Variants in ARMC3 observed in about 807,000 individuals in gnomAD.
The protein encoded by ARMC3 is armadillo repeat-containing protein 3.
ARMC3 carries 74 observed loss-of-function variants against 90.3 expected under a neutral mutation model. That is an observed-to-expected ratio of 0.82 (90% confidence interval 0.68 to 0.99). The LOEUF (loss-of-function observed/expected upper bound fraction) is 0.99, where lower values mean the gene tolerates loss of function less well. ARMC3 is among the 50% of genes least tolerant of loss of function. ARMC3 has a pLI of 0.00. For synonymous variants in ARMC3, 334 were observed against 361.8 expected, an observed-to-expected ratio of 0.92 and a Z score of 0.87; for missense variants, 958 against 1,042.8, an observed-to-expected ratio of 0.92 and a Z score of 1.12.
At chr10:22,992,429 G>A (rs981579012) in intron 10 of ARMC3, among the ~76,000 whole-genome samples, 10 of 151,880 alleles carry the variant, frequency 6.6e-5, no homozygotes, top group Non-Finnish European at 1.3e-4. Flanking sequence ...TTTTGCGGGG[G>A]GCATTTTTCT....
chr10:22,981,591 G>A lies in ARMC3; in HGVS notation c.1070-4G>A. The stretch of plus-strand genomic sequence containing the variant: ...GTCACATTTTTACCTTTCTCTTTCT[G>A]TAGGGATTCCACAGTTAATTCAGTT... On this transcript the variant is annotated splice_region_variant and splice_polypyrimidine_tract_variant and intron_variant, in intron 9 of 18. Coordinates refer to ENST00000298032, the MANE Select transcript of ARMC3 (RefSeq NM_173081.5). 1.2e-6 allele frequency: 2 copies of A among 1,614,014 alleles called. No individual in the cohort carries two copies. The highest frequency in any genetic ancestry group is 1.7e-6 in the Non-Finnish European group (2 of 1,179,936).
At chr10:22,997,683 C>A (rs1244571149) in intron 10 of ARMC3, among the ~76,000 whole-genome samples, 1 of 152,132 alleles carries the variant, frequency 6.6e-6, no homozygotes, top group Non-Finnish European at 1.5e-5. Context: ...TCACTCATTC[C>A]TACTATTTAA....
intron 16 of ARMC3, among the ~76,000 whole-genome samples, chr10:23,016,908 G>A (rs917192501): frequency 7.9e-5 from 12 of 152,298 alleles, no homozygotes; most frequent in Admixed American, 5.9e-4. Flanking sequence ...CAGTGACGAA[G>A]TATTGGACTG....
chr10:23,033,128 A>G, intron 18 of ARMC3, 105 bp downstream of exon 18: 1 of 1,101,074 alleles, frequency 9.1e-7, no homozygotes, highest in Non-Finnish European at 1.3e-6. Flanking sequence ...TATTAATTCT[A>G]CCATTTAGAT....
At chr10:23,032,407 C>G (rs1838952993) in intron 17 of ARMC3, among the ~76,000 whole-genome samples, 1 of 152,056 alleles carries the variant, frequency 6.6e-6, no homozygotes, top group Admixed American at 6.6e-5. Context: ...GTTCTTAAAT[C>G]TAATGGGAAA....
chr10:22,961,078 TG>T (rs1564354888), intron 6 of ARMC3: 1 of 152,192 alleles, frequency 6.6e-6, no homozygotes, highest in African/African-American at 2.4e-5. Context: ...GCATATATTT[TG>T]GGGGAACACA....
At chr10:22,982,190 A>G (rs1169351131) in intron 10 of ARMC3, among the ~76,000 whole-genome samples, 1 of 152,256 alleles carries the variant, frequency 6.6e-6, no homozygotes, top group African/African-American at 2.4e-5. Context: ...TAGCCTTACC[A>G]ACATGGTGAA....
chr10:22,937,504 G>T (rs1391331818), intron 2 of ARMC3, among the ~76,000 whole-genome samples: 2 of 152,154 alleles, frequency 1.3e-5, no homozygotes, highest in South Asian at 4.1e-4. Context: ...TGGGACATGA[G>T]GGGAAGTGCC....
chr10:22,959,188 A>C (rs758839738), intron 5 of ARMC3, 50 bp downstream of exon 5: 28 of 1,468,652 alleles, frequency 1.9e-5, no homozygotes, highest in Non-Finnish European at 2.5e-5. Flanking sequence ...GGTTTTTTAC[A>C]CTTGATTAAA....
intron 16 of ARMC3, among the ~76,000 whole-genome samples, chr10:23,028,249 T>A (rs1024838867): frequency 1.3e-5 from 2 of 152,230 alleles, no homozygotes; most frequent in African/African-American, 4.8e-5. Context: ...CTCTTTTATC[T>A]TCATTATGCT....
chr10:22,998,003 C>A, intron 10 of ARMC3, 145 bp from the exon 11 acceptor site: 3 of 949,656 alleles, frequency 3.2e-6, no homozygotes, highest in Non-Finnish European at 4.5e-6. Flanking sequence ...CACTAGCACT[C>A]AATTCTGGGT....
intron 10 of ARMC3, among the ~76,000 whole-genome samples, chr10:22,982,106 G>T (rs888870105): frequency 1.3e-5 from 2 of 152,218 alleles, no homozygotes; most frequent in African/African-American, 4.8e-5. Context: ...TAAAAGGTCA[G>T]TGGCTCCCAC....
At chr10:23,026,015 C>G (rs765908985) in intron 16 of ARMC3, among the ~76,000 whole-genome samples, 1 of 152,082 alleles carries the variant, frequency 6.6e-6, no homozygotes, top group Non-Finnish European at 1.5e-5. Flanking sequence ...TCAAAAACTA[C>G]AAACTACCCG....
chr10:23,002,122 AG>A, intron 12 of ARMC3, 67 bp downstream of exon 12: 1 of 1,549,642 alleles, frequency 6.5e-7, no homozygotes, highest in African/African-American at 1.4e-5. Flanking sequence ...CACACTCTTT[AG>A]GCCCAAGGAA....
At chr10:22,936,690 T>C (rs561433678) in intron 2 of ARMC3, among the ~76,000 whole-genome samples, 1 of 152,320 alleles carries the variant, frequency 6.6e-6, no homozygotes, top group South Asian at 2.1e-4. Context: ...GTATTATTTA[T>C]TTAGTCATGT....
intron 13 of ARMC3, among the ~76,000 whole-genome samples, chr10:23,004,930 A>AG (rs894893281): frequency 9.2e-5 from 14 of 152,114 alleles, no homozygotes; most frequent in Admixed American, 2.0e-4. Flanking sequence ...GAAAACCAAG[A>AG]GGGGGGCCGG....
Position 23,037,261 on chromosome 10 carries a change from C to T in ARMC3, c.2410-9C>T, listed in dbSNP as rs780184618. 1 of 1,573,130 alleles carries T rather than the reference C, an allele frequency of 6.4e-7. No homozygotes were observed. The highest frequency in any genetic ancestry group is 2.3e-5 in the East Asian group (1 of 44,306). On this transcript the variant is annotated splice_polypyrimidine_tract_variant and intron_variant, in intron 18 of 18. Transcript: ENST00000298032. Reference sequence around the variant, plus strand: ...CCACCCTTGGTTGATCTCTTGTTTTCTCCTGCAGGCTCTGGCTGATAGAAT... The same window carrying T: ...CCACCCTTGGTTGATCTCTTGTTTTTTCCTGCAGGCTCTGGCTGATAGAAT...
At chr10:23,014,546 A>C in intron 16 of ARMC3, 1 of 950,410 alleles carries the variant, frequency 1.1e-6, no homozygotes, top group Non-Finnish European at 1.3e-6. Flanking sequence ...ACATGGGATC[A>C]ACCTAAATGC....
chr10:22,933,504 A>C (rs1703501223), intron 2 of ARMC3, among the ~76,000 whole-genome samples: 1 of 152,178 alleles, frequency 6.6e-6, no homozygotes, highest in African/African-American at 2.4e-5. Flanking sequence ...CCTAGCATTA[A>C]CAAAATAGAA....
Sources: allele counts gnomAD v4.1 joint callset (sites outside exome capture counted in the v4.1 genomes callset), GRCh38; gene constraint gnomAD v4.1.1; transcripts MANE v1.5; gene names NCBI Gene and HGNC (gene_info 2026-07-23, HGNC 2026-07-21).